Variants in EP300 observed in about 807,000 individuals in gnomAD.
EP300 encodes the protein histone acetyltransferase p300.
A neutral mutation model predicts 264.0 loss-of-function variants in EP300; 31 were observed. That is an observed-to-expected ratio of 0.12 (90% CI 0.09 to 0.16). EP300 has a LOEUF of 0.16. EP300 is among the 10% of genes least tolerant of loss of function. EP300 has a pLI of 1.00. For missense variants in EP300, 2,766 were observed against 3,052.9 expected (o/e 0.91, Z 2.21); for synonymous variants, 1,340 against 1,045.4 (o/e 1.28, Z -5.44).
chr22:41,165,446 A>G (rs144923132), intron 22 of EP300, among the ~76,000 whole-genome samples: 8,448 of 152,082 alleles, frequency 0.056, 743 homozygotes, highest in African/African-American at 0.19. Flanking sequence ...TTTTTGAGAC[A>G]GAGTTTCGCT....
chr22:41,135,070 G>C (rs1397610299), intron 6 of EP300, among the ~76,000 whole-genome samples: 1 of 151,796 alleles, frequency 6.6e-6, no homozygotes, highest in East Asian at 1.9e-4. Context: ...CCACCTTTTT[G>C]TGTTTTCTTT....
Position 41,117,817 on chromosome 22 carries a change from T to G in EP300, c.725T>G (p.Leu242Arg). The change falls in exon 2 of 31, where the codon CTT (leucine) becomes CGT (arginine). Residue 242 changes from leucine (L) to arginine (R), a missense_variant. By Grantham distance (102) the Leu-to-Arg change is moderately radical. Coordinates refer to ENST00000263253, the MANE Select transcript of EP300 (RefSeq NM_001429.4). ...ACAGGATTGAGAGGCCCCCAGCCTC[T>G]TAAGGTAAGTACAGTTTTGGTTTGT... Reference protein sequence around the residue: ...GQTGLRGPQPLKMGMMNNPNP... With the variant: ...GQTGLRGPQPRKMGMMNNPNP... 1 of 1,613,916 alleles carries G rather than the reference T, an allele frequency of 6.2e-7. No homozygotes were observed. The highest frequency in any genetic ancestry group is 8.5e-7 in the Non-Finnish European group (1 of 1,180,030).
chr22:41,110,977 A>T (rs200237929), intron 1 of EP300, among the ~76,000 whole-genome samples: 2,902 of 127,516 alleles, frequency 0.023, 55 homozygotes, highest in African/African-American at 0.072. Flanking sequence ...TTTTTTTTTT[A>T]AATTTGAGAT....
rs2059201464 is a variant in EP300 at position 41,176,545 on chromosome 22, G to A, written c.5061+17G>A. On this transcript the variant is annotated intron_variant, in intron 30 of 30. Transcript: ENST00000263253. Reference sequence around the variant, plus strand: ...GTCTGTGAGGTAGGCACCGGGTTGTGGGAAGGAGGAGGTGAGCTCCGCAGG... The same window carrying A: ...GTCTGTGAGGTAGGCACCGGGTTGTAGGAAGGAGGAGGTGAGCTCCGCAGG... The A allele has an allele frequency of 1.2e-6, 2 of 1,613,448 alleles. No individual in the cohort carries two copies. The highest frequency in any genetic ancestry group is 4.5e-5 in the East Asian group (2 of 44,880).
chr22:41,123,775 T>G (rs1211083202), intron 2 of EP300, among the ~76,000 whole-genome samples: 1 of 152,176 alleles, frequency 6.6e-6, no homozygotes, highest in Non-Finnish European at 1.5e-5. Context: ...GGATATAAAG[T>G]TGACCCCATT....
At chr22:41,132,024 C>T (rs1314749076) in intron 6 of EP300, among the ~76,000 whole-genome samples, 4 of 151,804 alleles carry the variant, frequency 2.6e-5, no homozygotes, top group East Asian at 2.0e-4. Context: ...AGTGAAACCC[C>T]GTCTCTACTA....
chr22:41,097,774 T>A (rs971875451), intron 1 of EP300, among the ~76,000 whole-genome samples: 2 of 152,138 alleles, frequency 1.3e-5, no homozygotes, highest in African/African-American at 4.8e-5. Flanking sequence ...AAACCAATTA[T>A]ACCAAGTCTA....
At chr22:41,140,988 T>C (rs2058978985) in intron 9 of EP300, 60 bp from the exon 10 acceptor site, 1 of 1,501,578 alleles carries the variant, frequency 6.7e-7, no homozygotes, top group South Asian at 1.2e-5. Flanking sequence ...ATTTTTTCTG[T>C]TACCTGGTGG....
chr22:41,152,235 T>G lies in EP300; in HGVS notation c.3027T>G (p.Ser1009=), dbSNP rs1239372121. 1 of 1,614,016 alleles carries G rather than the reference T, an allele frequency of 6.2e-7. No homozygotes were observed. The highest frequency in any genetic ancestry group is 1.3e-5 in the African/African-American group (1 of 74,916). ...AAGTGGAAGACTGTAAAATGGAATC[T>G]ACCGAAACAGAAGAGAGAAGCACTG... is the stretch of plus-strand genomic sequence containing the variant. ...ESKVEDCKME[S]TETEERSTEL... Residue 1009 remains serine, a synonymous_variant, in exon 16 of 31, where the codon TCT becomes TCG. Transcript: ENST00000263253.
intron 1 of EP300, among the ~76,000 whole-genome samples, chr22:41,114,935 A>G (rs1258157330): frequency 6.6e-6 from 1 of 152,020 alleles, no homozygotes; most frequent in East Asian, 1.9e-4. Flanking sequence ...TCTTCAAGGG[A>G]TGGTCCATTT....
At chr22:41,148,396 G>A (rs993098062) in intron 12 of EP300, among the ~76,000 whole-genome samples, 4 of 152,118 alleles carry the variant, frequency 2.6e-5, no homozygotes, top group African/African-American at 7.2e-5. Flanking sequence ...CCTTTTGGGG[G>A]TTCCTGAGCA....
At chr22:41,147,303 CA>C (rs11306415) in intron 11 of EP300, among the ~76,000 whole-genome samples, 70,219 of 123,016 alleles carry the variant, frequency 0.57, 18,795 homozygotes, top group Admixed American at 0.72. Flanking sequence ...GACTTCGTCT[CA>C]AAAAAAAAAA....
chr22:41,103,374 T>G (rs2058742061), intron 1 of EP300, among the ~76,000 whole-genome samples: 1 of 152,126 alleles, frequency 6.6e-6, no homozygotes. Context: ...AAAGACAAAT[T>G]AAGGTGCCTT....
Position 41,149,841 on chromosome 22 carries a change from C to T in EP300, c.2460C>T (p.Pro820=). 6.2e-7 allele frequency: 1 copy of T among 1,614,066 alleles called. No homozygotes were observed. Among genetic ancestry groups the T allele is most frequent in the South Asian group, 1.1e-5 (1 of 91,076 alleles). The change falls in exon 14 of 31, where the codon CCC becomes CCT. Residue 820 remains proline (P), a synonymous_variant. Coordinates refer to ENST00000263253, the MANE Select transcript of EP300 (RefSeq NM_001429.4). Reference sequence around the variant, plus strand: ...CTCAGGGGAGCCACATTCACTGTCCCCAGCTTCCTCAACCAGCTCTTCATC... The same window carrying T: ...CTCAGGGGAGCCACATTCACTGTCCTCAGCTTCCTCAACCAGCTCTTCATC... The part of the protein sequence containing the change: ...PGSQGSHIHC[P]QLPQPALHQN...
intron 18 of EP300, 50 bp from the exon 19 acceptor site, chr22:41,158,362 A>G (rs368157234): frequency 8.1e-6 from 12 of 1,487,458 alleles, no homozygotes; most frequent in African/African-American, 1.4e-5. Context: ...TTACTGTTCT[A>G]GCTTGTCCTT....
intron 1 of EP300, among the ~76,000 whole-genome samples, chr22:41,099,237 T>A (rs1379158723): frequency 6.6e-6 from 1 of 152,076 alleles, no homozygotes; most frequent in Admixed American, 6.6e-5. Flanking sequence ...CTAATTTTTG[T>A]ATTTTTAGTA....
At chr22:41,174,193 G>A (rs1033641377) in intron 29 of EP300, among the ~76,000 whole-genome samples, 1 of 152,180 alleles carries the variant, frequency 6.6e-6, no homozygotes, top group Non-Finnish European at 1.5e-5. Context: ...GCACTTTGGA[G>A]GTTGAGGCAG....
In EP300 at chr22:41,131,403, C is replaced by A; in HGVS notation, c.1298C>A (p.Ala433Glu). 1 of 1,613,948 alleles carries A rather than the reference C, an allele frequency of 6.2e-7. No homozygotes were observed. Among genetic ancestry groups the A allele is most frequent in the Non-Finnish European group, 8.5e-7 (1 of 1,180,018 alleles). Residue 433 changes from alanine to glutamate, a missense_variant, in exon 6 of 31, where the codon GCA (alanine) becomes GAA (glutamate). Transcript: ENST00000263253. ...TCTTCTCTAGCAATTTTGACTGGAG[C>A]ACCCGTTGGACTTGGAAATCCTAGC... ...KRNQQPILTG[A>E]PVGLGNPSSL...
At chr22:41,122,075 C>T (rs935793033) in intron 2 of EP300, among the ~76,000 whole-genome samples, 1 of 151,710 alleles carries the variant, frequency 6.6e-6, no homozygotes, top group Non-Finnish European at 1.5e-5. Flanking sequence ...TTGATTTAAA[C>T]CTGTTTCTGC....
Sources: gnomAD v4.1 joint callset for allele counts (sites outside exome capture counted in the v4.1 genomes callset) on GRCh38, gnomAD v4.1.1 for gene constraint, MANE v1.5 for transcripts, NCBI Gene and HGNC (gene_info 2026-07-23, HGNC 2026-07-21) for gene names.